Variants in SEMA3D observed in about 807,000 individuals in gnomAD.
SEMA3D encodes the protein semaphorin 3D, also known as semaphorin-3D.
In SEMA3D, 84 loss-of-function variants were observed where a neutral mutation model predicts 100.1. The observed-to-expected ratio is 0.84, with a 90% CI of 0.70 to 1.01. The LOEUF is 1.01. Ranked by LOEUF, SEMA3D falls within the 50% of genes least tolerant of loss-of-function variation. SEMA3D has a pLI of 0.00. For missense variants in SEMA3D, 875 were observed against 934.1 expected, an observed-to-expected ratio of 0.94 and a Z score of 0.82; for synonymous variants, 312 against 320.7, an observed-to-expected ratio of 0.97 and a Z score of 0.29.
At chr7:85,116,321 T>C (rs1204721492) in intron 3 of SEMA3D, among the ~76,000 whole-genome samples, 3 of 146,494 alleles carry the variant, frequency 2.0e-5, no homozygotes, top group Non-Finnish European at 4.5e-5. Context: ...TATATATATT[T>C]ATATAAATGT....
intron 16 of SEMA3D, among the ~76,000 whole-genome samples, chr7:85,014,040 T>G (rs557313316): frequency 6.6e-6 from 1 of 151,922 alleles, no homozygotes; most frequent in Non-Finnish European, 1.5e-5. Flanking sequence ...CCATTTCAAT[T>G]TAATTCATGG....
intron 17 of SEMA3D, among the ~76,000 whole-genome samples, chr7:85,011,009 G>A (rs1789936483): frequency 6.6e-6 from 1 of 151,724 alleles, no homozygotes; most frequent in Admixed American, 6.6e-5. Context: ...TGGTACAAGG[G>A]CACATAGGTA....
At chr7:85,173,211 A>C (rs2116553480) in intron 1 of SEMA3D, among the ~76,000 whole-genome samples, 1 of 152,216 alleles carries the variant, frequency 6.6e-6, no homozygotes, top group South Asian at 2.1e-4. Flanking sequence ...AAATGGAGTA[A>C]AAAAATATTT....
chr7:85,186,556 A>G (rs1312518400), intron 1 of SEMA3D, 122 bp downstream of exon 1: 2 of 152,308 alleles, frequency 1.3e-5, no homozygotes, highest in Non-Finnish European at 1.5e-5. Flanking sequence ...TTATCTCCCA[A>G]ACCATGCTCG....
intron 12 of SEMA3D, among the ~76,000 whole-genome samples, chr7:85,031,910 A>G (rs1420796300): frequency 6.6e-6 from 1 of 152,120 alleles, no homozygotes; most frequent in East Asian, 1.9e-4. Context: ...AAAGAATGCC[A>G]GGAAATAATG....
At chr7:85,133,939 T>A (rs1172358408) in intron 2 of SEMA3D, among the ~76,000 whole-genome samples, 1 of 152,008 alleles carries the variant, frequency 6.6e-6, no homozygotes, top group Non-Finnish European at 1.5e-5. Flanking sequence ...TAAGTAAATA[T>A]GAAACTTAAA....
At chr7:85,239,473 A>G in the SEMA3D span, among the ~76,000 whole-genome samples, 2 of 152,122 alleles carry the variant, frequency 1.3e-5, no homozygotes, top group Admixed American at 6.6e-5. Context: ...ATGATGAGAA[A>G]TTCATTTCTG....
At chr7:85,246,705 A>G in the SEMA3D span, among the ~76,000 whole-genome samples, 1 of 151,942 alleles carries the variant, frequency 6.6e-6, no homozygotes, top group Admixed American at 6.6e-5. Context: ...AAACCTGATA[A>G]TATCTAGTAA....
At chr7:85,227,516 C>A in the SEMA3D span, among the ~76,000 whole-genome samples, 9 of 152,134 alleles carry the variant, frequency 5.9e-5, no homozygotes, top group Non-Finnish European at 1.3e-4. Context: ...GTACCTTAAT[C>A]TTGAATTTCT....
chr7:85,131,521 T>C (rs1789724471), intron 2 of SEMA3D, among the ~76,000 whole-genome samples: 1 of 151,996 alleles, frequency 6.6e-6, no homozygotes, highest in African/African-American at 2.4e-5. Context: ...TAAACATTGG[T>C]GAATATGTGT....
At chr7:85,046,482 A>C (rs1222148756) in intron 9 of SEMA3D, among the ~76,000 whole-genome samples, 1 of 152,018 alleles carries the variant, frequency 6.6e-6, no homozygotes, top group African/African-American at 2.4e-5. Context: ...TAAAAAGATA[A>C]AAAACCAAGA....
intron 9 of SEMA3D, 84 bp downstream of exon 9, chr7:85,055,632 GT>G (rs1791285409): frequency 4.6e-6 from 1 of 217,020 alleles, no homozygotes; most frequent in Non-Finnish European, 7.1e-6. Flanking sequence ...CCTTGCCAAA[GT>G]TTTTTCATAT....
chr7:85,089,629 C>A (rs1268128201), intron 4 of SEMA3D, among the ~76,000 whole-genome samples: 1 of 152,044 alleles, frequency 6.6e-6, no homozygotes, highest in African/African-American at 2.4e-5. Context: ...CCCTGTAATC[C>A]TAGCACTTTG....
rs75308500 is a variant in SEMA3D, at chr7:85,171,031, C to G, written c.-173+15647G>C. On this transcript the variant is annotated intron_variant, in intron 1 of 18. Transcript: ENST00000284136. ...ATATATAAGTATACTAAGGCGGATA[C>G]AGTTAAATAACTCCAATTTTCTCAA... 1.1e-3 allele frequency among the ~76,000 whole-genome samples: 172 copies of G among 152,096 alleles called. 4 individuals are homozygous for G. The East Asian group carries it at 0.032, about 28-fold the overall frequency.
chr7:85,040,820 C>CTGTCTGCA, intron 10 of SEMA3D, 78 bp from the exon 11 acceptor site: 1 of 695,114 alleles, frequency 1.4e-6, no homozygotes. Context: ...ACAACTGAAA[C>CTGTCTGCA]TCTGAAAATC....
intron 2 of SEMA3D, among the ~76,000 whole-genome samples, chr7:85,151,348 C>T (rs568881129): frequency 6.6e-6 from 1 of 152,034 alleles, no homozygotes; most frequent in South Asian, 2.1e-4. Context: ...AGGTAAACAT[C>T]TCCAAGTTTA....
chr7:85,081,603 T>C (rs780003122), intron 4 of SEMA3D, 24 bp from the exon 5 acceptor site: 7 of 1,552,738 alleles, frequency 4.5e-6, no homozygotes, highest in African/African-American at 1.4e-5. Context: ...CAAAGTATGT[T>C]ACAACCTGAA....
At chr7:85,202,883 A>G in the SEMA3D span, among the ~76,000 whole-genome samples, 1 of 152,150 alleles carries the variant, frequency 6.6e-6, no homozygotes, top group Non-Finnish European at 1.5e-5. Flanking sequence ...TATATAGTAG[A>G]ACAAAAGATA....
At chr7:85,028,086 A>G (rs1334574379) in intron 12 of SEMA3D, 1 of 620,338 alleles carries the variant, frequency 1.6e-6, no homozygotes, top group Non-Finnish European at 3.0e-6. Flanking sequence ...CCAGTTTGAT[A>G]TGACATATTG....
Sources: gnomAD v4.1 joint callset for allele counts (sites outside exome capture counted in the v4.1 genomes callset) on GRCh38, gnomAD v4.1.1 for gene constraint, MANE v1.5 for transcripts, NCBI Gene and HGNC (gene_info 2026-07-23, HGNC 2026-07-21) for gene names.